Variants in NUP160 observed in about 807,000 individuals in gnomAD.
The protein encoded by NUP160 is nucleoporin 160.
In NUP160, 94 loss-of-function variants were observed where a neutral mutation model predicts 196.9. That is an observed-to-expected ratio of 0.48 (90% CI 0.40 to 0.57). NUP160 has a LOEUF of 0.57. Among genes scored for constraint, NUP160 ranks in the 20% least tolerant of loss-of-function variants. NUP160 has a pLI of 0.00. For missense variants in NUP160, 1,638 were observed against 1,748.3 expected, an observed-to-expected ratio of 0.94 and a Z score of 1.13; for synonymous variants, 605 against 619.7, an observed-to-expected ratio of 0.98 and a Z score of 0.35.
At chr11:47,841,428 C>G in intron 2 of NUP160, 2 of 446,164 alleles carry the variant, frequency 4.5e-6, no homozygotes, top group Non-Finnish European at 8.6e-6. Flanking sequence ...CCACTTGGTT[C>G]ACAGGCGCCA....
At chr11:47,814,363 C>T (rs1438590178) in intron 13 of NUP160, among the ~76,000 whole-genome samples, 1 of 151,202 alleles carries the variant, frequency 6.6e-6, no homozygotes, top group East Asian at 2.0e-4. Flanking sequence ...CACAACATGG[C>T]GAAACTCCGT....
chr11:47,822,743 C>T (rs1851889355), intron 7 of NUP160, among the ~76,000 whole-genome samples: 1 of 152,164 alleles, frequency 6.6e-6, no homozygotes, highest in South Asian at 2.1e-4. Context: ...CGACAGGTGC[C>T]AGTGTGTGAC....
exon 24 of NUP160, chr11:47,798,447 T>G (rs747781151): frequency 6.3e-7 from 1 of 1,593,924 alleles, no homozygotes; most frequent in Admixed American, 1.7e-5. Context: ...ACCAATGACA[T>G]CTAGTAGTCG....
At position 47,798,360 on chromosome 11, in the gene NUP160, A is replaced by G. The variant is rs1020901438; in HGVS notation, c.2991+8T>C. ...AAAGAAAACAACCAAATTGCAGCCA[A>G]TTCTTACCTGACTTTTCCAGTCATC... On this transcript the variant is annotated splice_region_variant and intron_variant, in intron 24 of 35. Transcript: ENST00000378460. 25 of 1,598,498 alleles carry G rather than the reference A, an allele frequency of 1.6e-5. No individual in the cohort carries two copies. The highest frequency in any genetic ancestry group is 2.1e-5 in the Non-Finnish European group (25 of 1,166,198).
rs546185907 is a variant in NUP160, at chr11:47,827,901, C to T, written c.1102-5737G>A. Reference sequence around the variant, plus strand: ...CTAACTTTTTTATGAGACAGGGTTCCGCTCTGTTGCTCAGGTTGAAGTACA... The same window carrying T: ...CTAACTTTTTTATGAGACAGGGTTCTGCTCTGTTGCTCAGGTTGAAGTACA... On this transcript the variant is annotated intron_variant, in intron 7 of 35. Transcript: ENST00000378460. Among the ~76,000 whole-genome samples the T allele has an allele frequency of 1.6e-4, 24 of 152,204 alleles. No individual in the cohort carries two copies. In the South Asian group the frequency reaches 1.7e-3, roughly 11 times the overall value.
At chr11:47,784,116 T>TGC (rs1240464642) in intron 33 of NUP160, among the ~76,000 whole-genome samples, 2 of 152,230 alleles carry the variant, frequency 1.3e-5, no homozygotes, top group African/African-American at 4.8e-5. Context: ...CTTATCCTAC[T>TGC]AACGGTGGTT....
At chr11:47,786,608 T>A in intron 31 of NUP160, 54 bp from the exon 32 acceptor site, 1 of 1,066,016 alleles carries the variant, frequency 9.4e-7, no homozygotes, top group Non-Finnish European at 1.5e-6. Flanking sequence ...CGTACCACTT[T>A]AATTTGATAC....
At chr11:47,837,173 C>T (rs746322906) in intron 5 of NUP160, among the ~76,000 whole-genome samples, 172 bp from the exon 6 acceptor site, 1 of 152,200 alleles carries the variant, frequency 6.6e-6, no homozygotes, top group African/African-American at 2.4e-5. Flanking sequence ...TCGCCAATTA[C>T]TATAATAAAA....
chr11:47,818,234 T>G (rs1377722083), intron 10 of NUP160, 110 bp from the exon 11 acceptor site: 13 of 697,550 alleles, frequency 1.9e-5, no homozygotes, highest in Non-Finnish European at 2.9e-5. Flanking sequence ...ATTTTGCCCT[T>G]CTATATGTGG....
At chr11:47,826,968 C>T in intron 7 of NUP160, 1 of 443,752 alleles carries the variant, frequency 2.3e-6, no homozygotes, top group South Asian at 1.6e-5. Context: ...GGTGTCTTAA[C>T]ATAAATCAAG....
intron 4 of NUP160, among the ~76,000 whole-genome samples, chr11:47,839,015 A>G (rs966774035): frequency 2.7e-4 from 21 of 76,384 alleles, no homozygotes; most frequent in African/African-American, 2.1e-3. Flanking sequence ...AAAAAAAAAA[A>G]AGAATAAAAG....
intron 22 of NUP160, among the ~76,000 whole-genome samples, chr11:47,802,732 T>C (rs1471177204): frequency 1.3e-5 from 2 of 152,098 alleles, no homozygotes; most frequent in Non-Finnish European, 2.9e-5. Context: ...CCCAACACTT[T>C]GGGAGGCTGA....
exon 3 of NUP160, chr11:47,840,534 C>T: frequency 6.2e-7 from 1 of 1,613,878 alleles, no homozygotes; most frequent in East Asian, 2.2e-5. Context: ...CATTATTCAA[C>T]AGATTTATGT....
At chr11:47,819,606 A>G in intron 9 of NUP160, 148 bp from the exon 10 acceptor site, 1 of 483,068 alleles carries the variant, frequency 2.1e-6, no homozygotes, top group Non-Finnish European at 3.7e-6. Context: ...TTTTTTTTAA[A>G]TAAGAAAGAA....
chr11:47,807,298 A>ATTGTTGCCC (rs2097678287), intron 18 of NUP160, among the ~76,000 whole-genome samples, 158 bp from the exon 19 acceptor site: 1 of 152,206 alleles, frequency 6.6e-6, no homozygotes, highest in Admixed American at 6.5e-5. Flanking sequence ...TATAATATAG[A>ATTGTTGCCC]TTGTTGCCCA....
At chr11:47,821,893 C>T in intron 8 of NUP160, 72 bp from the exon 9 acceptor site, 1 of 1,236,976 alleles carries the variant, frequency 8.1e-7, no homozygotes, top group Non-Finnish European at 1.2e-6. Flanking sequence ...CTTACTTTTT[C>T]ATCAGTAGGA....
chr11:47,846,972 T>C (rs575565955), intron 2 of NUP160, among the ~76,000 whole-genome samples: 3 of 152,344 alleles, frequency 2.0e-5, no homozygotes, highest in African/African-American at 7.2e-5. Flanking sequence ...ATTTTGATGT[T>C]AGTAACTCTT....
chr11:47,779,426 G>A, intron 35 of NUP160: 1 of 487,236 alleles, frequency 2.1e-6, no homozygotes, highest in Non-Finnish European at 3.8e-6. Context: ...AATTTTCTAA[G>A]TATGGAAATC....
intron 29 of NUP160, among the ~76,000 whole-genome samples, chr11:47,789,163 C>T (rs2097666488): frequency 6.6e-6 from 1 of 152,156 alleles, no homozygotes; most frequent in South Asian, 2.1e-4. Flanking sequence ...AGGCATCAGC[C>T]ACTGTGCCCA....
Sources: gnomAD v4.1 joint callset for allele counts (sites outside exome capture counted in the v4.1 genomes callset) on GRCh38, gnomAD v4.1.1 for gene constraint, MANE v1.5 for transcripts, NCBI Gene and HGNC (gene_info 2026-07-23, HGNC 2026-07-21) for gene names.